The following PAX5 variants were observed in gnomAD, a reference collection of about 807,000 sequenced individuals.
PAX5 encodes the protein paired box 5, also known as paired box protein Pax-5.
PAX5 carries 9 observed loss-of-function variants against 43.7 expected under a neutral mutation model. That is an observed-to-expected ratio of 0.21 (90% CI 0.12 to 0.36). The LOEUF is 0.36. Ranked by LOEUF, PAX5 falls within the 10% of genes least tolerant of loss-of-function variation. PAX5 has a pLI of 1.00. For missense variants in PAX5, 383 were observed against 532.7 expected (o/e 0.72, Z 2.77); for synonymous variants, 228 against 214.3 (o/e 1.06, Z -0.56).
intron 6 of PAX5, among the ~76,000 whole-genome samples, chr9:36,955,410 C>G (rs1443153593): frequency 6.6e-6 from 1 of 152,084 alleles, no homozygotes; most frequent in South Asian, 2.1e-4. Context: ...TATATTATTT[C>G]CATCCTTGAA....
chr9:36,942,024 T>C (rs1832094744), intron 6 of PAX5, among the ~76,000 whole-genome samples: 1 of 152,256 alleles, frequency 6.6e-6, no homozygotes, highest in African/African-American at 2.4e-5. Flanking sequence ...CTAGTCACTT[T>C]GCACGTGTTA....
chr9:36,968,677 C>T (rs886220522), intron 5 of PAX5, among the ~76,000 whole-genome samples: 2 of 152,208 alleles, frequency 1.3e-5, no homozygotes, highest in Admixed American at 6.5e-5. Context: ...GCCTAGGCCC[C>T]TCCTCTGGCA....
chr9:36,946,654 T>C (rs1278104401), intron 6 of PAX5, among the ~76,000 whole-genome samples: 4 of 152,220 alleles, frequency 2.6e-5, no homozygotes, highest in African/African-American at 9.6e-5. Context: ...GCTTTCTGAC[T>C]ACCAGTAATG....
chr9:36,851,826 C>G (rs938772933), intron 8 of PAX5, among the ~76,000 whole-genome samples: 1 of 152,188 alleles, frequency 6.6e-6, no homozygotes, highest in African/African-American at 2.4e-5. Flanking sequence ...CTGCTGTTGA[C>G]AGAATTAAGA....
At chr9:36,842,513 G>C (rs960841239) in intron 9 of PAX5, among the ~76,000 whole-genome samples, 1 of 152,124 alleles carries the variant, frequency 6.6e-6, no homozygotes, top group African/African-American at 2.4e-5. Flanking sequence ...CCCTCCAGCG[G>C]GCCTCCGTGT....
At chr9:37,011,844 G>A (rs1374558109) in intron 3 of PAX5, among the ~76,000 whole-genome samples, 1 of 152,148 alleles carries the variant, frequency 6.6e-6, no homozygotes, top group East Asian at 1.9e-4. Context: ...AATCAGAAAG[G>A]GTGAAAAGTT....
chr9:36,959,004 A>G lies in PAX5; in HGVS notation c.780+7545T>C, dbSNP rs560981422. Among the ~76,000 whole-genome samples, 20 of 152,242 alleles carry G rather than the reference A, an allele frequency of 1.3e-4. No homozygotes were observed. The East Asian group carries it at 3.9e-3, about 29-fold the overall frequency. On this transcript the variant is annotated intron_variant, in intron 6 of 9. Coordinates refer to ENST00000358127, the MANE Select transcript of PAX5 (RefSeq NM_016734.3). ...TGCACTAGAGGAGCTGGAGTCATCC[A>G]ATGGCCTCCCAAGACCCTGCAGTCC...
At chr9:37,018,570 C>CAAAAA (rs1222049885) in intron 2 of PAX5, among the ~76,000 whole-genome samples, 5 of 70,992 alleles carry the variant, frequency 7.0e-5, no homozygotes, top group Admixed American at 6.1e-4. Flanking sequence ...CTTCAGTGAC[C>CAAAAA]AAAAAAAAAA....
intron 5 of PAX5, among the ~76,000 whole-genome samples, chr9:36,997,847 G>A (rs920743319): frequency 1.3e-5 from 2 of 152,244 alleles, no homozygotes; most frequent in Admixed American, 6.5e-5. Flanking sequence ...AAGTCCACAT[G>A]AGTGGCAGCC....
At chr9:36,855,737 G>T (rs1016152655) in intron 8 of PAX5, among the ~76,000 whole-genome samples, 5 of 152,104 alleles carry the variant, frequency 3.3e-5, no homozygotes, top group Middle Eastern at 3.4e-3. Flanking sequence ...ACCCCTACCC[G>T]CCACAAGCCA....
At chr9:36,868,180 G>A (rs1262776709) in intron 8 of PAX5, among the ~76,000 whole-genome samples, 1 of 152,260 alleles carries the variant, frequency 6.6e-6, no homozygotes, top group Non-Finnish European at 1.5e-5. Context: ...GAAGGACTGG[G>A]GGCGTGCCAG....
rs946510969 is a variant in PAX5 at position 36,923,620 on chromosome 9, C to T, written c.781-136G>A. 3 of 946,094 alleles carry T rather than the reference C, an allele frequency of 3.2e-6. No individual in the cohort carries two copies. The African/African-American group carries it at 4.9e-5, about 16-fold the overall frequency. 58.6% of individuals were successfully genotyped at this position (946,094 alleles called of 1,614,324 possible). A position where few individuals can be genotyped will look rare whatever the true frequency, so the allele number is the denominator to read the frequency against. On this transcript the variant is annotated intron_variant, in intron 6 of 9. Coordinates refer to ENST00000358127, the MANE Select transcript of PAX5 (RefSeq NM_016734.3). ...CCAAGGCCCACAAGGGGCTCATGAA[C>T]ACTTCCAGTGTTGAAAGGGCAGAGT...
intron 1 of PAX5, among the ~76,000 whole-genome samples, chr9:37,031,101 C>T (rs1434072212): frequency 2.6e-5 from 4 of 152,262 alleles, no homozygotes; most frequent in African/African-American, 9.6e-5. Flanking sequence ...GTCTGCTCTA[C>T]TTGACCTGTC....
At chr9:37,029,886 G>A (rs1196309020) in intron 1 of PAX5, among the ~76,000 whole-genome samples, 1 of 152,234 alleles carries the variant, frequency 6.6e-6, no homozygotes, top group Non-Finnish European at 1.5e-5. Flanking sequence ...AAGTCACACA[G>A]CAAGTCTGGG....
chr9:36,844,798 C>A (rs542534686), intron 9 of PAX5, among the ~76,000 whole-genome samples: 1 of 152,308 alleles, frequency 6.6e-6, no homozygotes, highest in East Asian at 1.9e-4. Context: ...CAGACCTACA[C>A]AGTCAGGTCC....
chr9:36,872,482 G>T (rs776654442), intron 8 of PAX5, among the ~76,000 whole-genome samples: 1 of 152,150 alleles, frequency 6.6e-6, no homozygotes, highest in Non-Finnish European at 1.5e-5. Context: ...TGCTTTAAGA[G>T]AGAGCAGGGA....
At chr9:36,906,664 G>A (rs147373700) in intron 7 of PAX5, among the ~76,000 whole-genome samples, 4 of 152,336 alleles carry the variant, frequency 2.6e-5, no homozygotes, top group African/African-American at 9.6e-5. Context: ...GCAGCCGTCA[G>A]GCCTGCTCCA....
At chr9:36,937,224 T>C (rs548197353) in intron 6 of PAX5, among the ~76,000 whole-genome samples, 27 of 152,332 alleles carry the variant, frequency 1.8e-4, no homozygotes, top group African/African-American at 5.8e-4. Flanking sequence ...GTATTACTAA[T>C]AATTCATTTA....
intron 7 of PAX5, among the ~76,000 whole-genome samples, chr9:36,899,177 C>T (rs1828147520): frequency 6.6e-6 from 1 of 152,204 alleles, no homozygotes. Flanking sequence ...CTGGCAGGCG[C>T]CAGGCAAATG....
Sources: gnomAD v4.1 joint callset for allele counts (sites outside exome capture counted in the v4.1 genomes callset) on GRCh38, gnomAD v4.1.1 for gene constraint, MANE v1.5 for transcripts, NCBI Gene and HGNC (gene_info 2026-07-23, HGNC 2026-07-21) for gene names.